DPF3: variants seen among roughly 807,000 people sequenced by gnomAD.
The protein encoded by DPF3 is zinc finger protein DPF3.
DPF3 carries 18 observed loss-of-function variants against 56.8 expected under a neutral mutation model. The observed-to-expected ratio is 0.32, with a 90% CI of 0.22 to 0.47. The LOEUF (loss-of-function observed/expected upper bound fraction) is 0.47. Ranked by LOEUF, DPF3 falls within the 20% of genes least tolerant of loss-of-function variation. The probability of loss-of-function intolerance (pLI) is 1.00; values close to 1 mark genes in which losing one functional copy is unlikely to be tolerated. For missense variants in DPF3, 403 were observed against 488.8 expected, an observed-to-expected ratio of 0.82 and a Z score of 1.65; for synonymous variants, 188 against 180.2, an observed-to-expected ratio of 1.04 and a Z score of -0.35.
intron 8 of DPF3, among the ~76,000 whole-genome samples, chr14:72,668,519 C>T (rs2153570073): frequency 6.6e-6 from 1 of 152,290 alleles, no homozygotes; most frequent in South Asian, 2.1e-4. Flanking sequence ...AAATATCAAG[C>T]TATACTATTA....
At chr14:72,692,777 G>T (rs1887745447) in intron 7 of DPF3, among the ~76,000 whole-genome samples, 1 of 152,208 alleles carries the variant, frequency 6.6e-6, no homozygotes, top group Non-Finnish European at 1.5e-5. Flanking sequence ...AAGAGTTGTA[G>T]GTCTGGCATC....
chr14:72,858,753 A>C (rs182051190), intron 1 of DPF3, among the ~76,000 whole-genome samples: 1 of 152,326 alleles, frequency 6.6e-6, no homozygotes, highest in Non-Finnish European at 1.5e-5. Flanking sequence ...GACAGCATTC[A>C]TATTCATCTT....
At chr14:72,857,908 G>A (rs1885232453) in intron 1 of DPF3, among the ~76,000 whole-genome samples, 1 of 152,100 alleles carries the variant, frequency 6.6e-6, no homozygotes, top group Non-Finnish European at 1.5e-5. Flanking sequence ...CGTTATGCAT[G>A]ATTTCATTTA....
chr14:72,760,686 CAACAA>C (rs1489919833), intron 2 of DPF3, among the ~76,000 whole-genome samples: 3 of 151,926 alleles, frequency 2.0e-5, no homozygotes, highest in Non-Finnish European at 2.9e-5. Flanking sequence ...ACTAAAATAA[CAACAA>C]AACAAGAGTT....
intron 1 of DPF3, among the ~76,000 whole-genome samples, chr14:72,875,453 T>C (rs1886076803): frequency 6.6e-6 from 1 of 152,190 alleles, no homozygotes; most frequent in Non-Finnish European, 1.5e-5. Context: ...TTTACATACA[T>C]TAACTTGCTT....
intron 8 of DPF3, among the ~76,000 whole-genome samples, chr14:72,649,087 C>T (rs1200945408): frequency 6.6e-6 from 1 of 152,096 alleles, no homozygotes; most frequent in Non-Finnish European, 1.5e-5. Flanking sequence ...GACTCACTTC[C>T]CCTCAATGTC....
intron 4 of DPF3, chr14:72,724,220 C>T (rs1049576014): frequency 2.0e-5 from 3 of 151,116 alleles, no homozygotes; most frequent in South Asian, 2.1e-4. Flanking sequence ...TAATAAGCCA[C>T]TGCTTTTTTT....
At chr14:72,808,248 G>C (rs1001317772) in intron 1 of DPF3, among the ~76,000 whole-genome samples, 4 of 152,170 alleles carry the variant, frequency 2.6e-5, no homozygotes, top group Admixed American at 2.0e-4. Context: ...AGGACCATCT[G>C]ATGGATGGTC....
chr14:72,727,562 C>T (rs987847081), intron 4 of DPF3, among the ~76,000 whole-genome samples: 10 of 147,872 alleles, frequency 6.8e-5, no homozygotes, highest in Admixed American at 2.7e-4. Context: ...GGTGACGAGG[C>T]GAGACTCCAT....
At chr14:72,762,640 C>G (rs1041053795) in intron 2 of DPF3, among the ~76,000 whole-genome samples, 6 of 151,714 alleles carry the variant, frequency 4.0e-5, no homozygotes, top group African/African-American at 1.4e-4. Flanking sequence ...TAATGTCATA[C>G]TTAATAACAA....
In DPF3 at chr14:72,610,109, G is replaced by T. The variant is rs971848235; in HGVS notation, c.*9188C>A. Among the ~76,000 whole-genome samples, 1 of 152,236 alleles carries T rather than the reference G, an allele frequency of 6.6e-6. No individual in the cohort carries two copies. Among genetic ancestry groups the T allele is most frequent in the African/African-American group, 2.4e-5 (1 of 41,458 alleles). Reference sequence around the variant, plus strand: ...CAAGCAAGCATTTTGGAATGATGGGGATAAAATGTTGCAGTGGCTTCCCTC... The same window carrying T: ...CAAGCAAGCATTTTGGAATGATGGGTATAAAATGTTGCAGTGGCTTCCCTC... On this transcript the variant is annotated 3_prime_UTR_variant, in exon 11 of 11. Coordinates refer to ENST00000556509, the MANE Select transcript of DPF3 (RefSeq NM_001280542.3).
intron 7 of DPF3, among the ~76,000 whole-genome samples, chr14:72,682,404 T>C (rs1445423526): frequency 6.6e-6 from 1 of 152,112 alleles, no homozygotes; most frequent in Non-Finnish European, 1.5e-5. Context: ...AAAATGTTAA[T>C]TTGAGAGCAA....
chr14:72,788,501 A>T (rs990812793), intron 1 of DPF3, among the ~76,000 whole-genome samples: 7 of 152,138 alleles, frequency 4.6e-5, no homozygotes, highest in African/African-American at 1.7e-4. Flanking sequence ...AGCCATCAAT[A>T]TCTCTTCGGA....
Position 72,615,704 on chromosome 14 carries a change from AG to A in DPF3, c.*3592del, listed in dbSNP as rs917599363. On this transcript the variant is annotated 3_prime_UTR_variant, in exon 11 of 11. Coordinates refer to ENST00000556509, the MANE Select transcript of DPF3 (RefSeq NM_001280542.3). ...CTCGCCCTGGGGCAGGGACAGGAGC[AG>A]GGGAGCCTTGGGACCTGCTGGCTCC... 8.8e-4 allele frequency among the ~76,000 whole-genome samples: 134 copies of A among 152,352 alleles called. 1 individual carries two copies. The highest frequency in any genetic ancestry group is 3.1e-3 in the African/African-American group (128 of 41,588).
chr14:72,808,289 C>T (rs1052205877), intron 1 of DPF3, among the ~76,000 whole-genome samples: 5 of 152,204 alleles, frequency 3.3e-5, no homozygotes, highest in Admixed American at 2.6e-4. Flanking sequence ...TCACCACCAG[C>T]TCCCACTACA....
At chr14:72,645,783 C>T (rs868219703) in intron 8 of DPF3, among the ~76,000 whole-genome samples, 10 of 152,062 alleles carry the variant, frequency 6.6e-5, no homozygotes, top group South Asian at 2.1e-4. Flanking sequence ...ACACCCTCAA[C>T]GCTCCTACAC....
rs1555516746 is a variant in DPF3 at position 72,884,953 on chromosome 14, T to TATAC, written c.32+9103_32+9104insGTAT. 1.8e-3 allele frequency among the ~76,000 whole-genome samples: 130 copies of TATAC among 73,780 alleles called. 24 individuals are homozygous for TATAC. Among genetic ancestry groups the TATAC allele is most frequent in the Non-Finnish European group, 3.3e-3 (112 of 34,442 alleles). The allele number at this position is 73,780 out of a possible 152,430, so 48.4% of individuals were successfully genotyped here. On this transcript the variant is annotated intron_variant, in intron 1 of 10. Transcript: ENST00000556509. ...CTACTAAAAATACTATATATATATA[T>TATAC]ATATATATATATATATATTAGCCGG...
intron 8 of DPF3, among the ~76,000 whole-genome samples, chr14:72,649,872 A>T (rs1885851924): frequency 6.6e-6 from 1 of 152,222 alleles, no homozygotes; most frequent in Non-Finnish European, 1.5e-5. Flanking sequence ...CAGAGACAGG[A>T]TGAAAACACG....
At chr14:72,730,877 G>A (rs1889611351) in intron 4 of DPF3, among the ~76,000 whole-genome samples, 1 of 152,118 alleles carries the variant, frequency 6.6e-6, no homozygotes, top group Admixed American at 6.5e-5. Context: ...ATAAGAGATG[G>A]TAGGTGTGAA....
Sources: allele counts gnomAD v4.1 joint callset (sites outside exome capture counted in the v4.1 genomes callset), GRCh38; gene constraint gnomAD v4.1.1; transcripts MANE v1.5; gene names NCBI Gene and HGNC (gene_info 2026-07-23, HGNC 2026-07-21).